PVT1: variants seen among roughly 807,000 people sequenced by gnomAD.
The protein encoded by PVT1 is Pvt1 oncogene.
chr8:128,081,224 G>C (rs529265198), intron 5 of PVT1, among the ~76,000 whole-genome samples: 1 of 152,332 alleles, frequency 6.6e-6, no homozygotes, highest in South Asian at 2.1e-4. Flanking sequence ...AAAAGAATCA[G>C]CTTGTAGATA....
At chr8:127,947,108 C>T (rs1194329338) in intron 3 of PVT1, 2 of 152,808 alleles carry the variant, frequency 1.3e-5, no homozygotes, top group Non-Finnish European at 2.9e-5. Context: ...AAGCCTGTCA[C>T]ATGGCAGGTA....
At chr8:127,872,133 G>A (rs1227198352) in intron 2 of PVT1, among the ~76,000 whole-genome samples, 2 of 151,840 alleles carry the variant, frequency 1.3e-5, no homozygotes, top group South Asian at 4.2e-4. Flanking sequence ...AACTAAAAGA[G>A]GCCGGGTGTG....
chr8:127,858,374 T>C (rs1356797352), intron 2 of PVT1, among the ~76,000 whole-genome samples: 1 of 151,606 alleles, frequency 6.6e-6, no homozygotes, highest in African/African-American at 2.4e-5. Context: ...GCCATTGCAC[T>C]CCAGCCTGGG....
chr8:128,049,130 C>G (rs755296236), intron 4 of PVT1: 1 of 523,478 alleles, frequency 1.9e-6, no homozygotes, highest in Non-Finnish European at 3.9e-6. Flanking sequence ...CTTTCTTTTT[C>G]CTGGCCGCCA....
chr8:127,929,215 T>A (rs1323875662), intron 3 of PVT1, among the ~76,000 whole-genome samples: 14 of 131,584 alleles, frequency 1.1e-4, no homozygotes, highest in Admixed American at 2.2e-4. Flanking sequence ...TTTTTTTTTT[T>A]TTATTTGTAA....
intron 4 of PVT1, among the ~76,000 whole-genome samples, chr8:128,034,744 T>C (rs1813441699): frequency 6.6e-6 from 1 of 152,192 alleles, no homozygotes; most frequent in Admixed American, 6.5e-5. Context: ...TGTCTCCATA[T>C]ATACAATTTA....
chr8:127,809,900 T>C (rs974185846), intron 2 of PVT1, among the ~76,000 whole-genome samples: 7 of 152,364 alleles, frequency 4.6e-5, no homozygotes, highest in African/African-American at 1.4e-4. Context: ...CTCCTATCCA[T>C]GTGGTACATT....
At chr8:127,958,748 C>T (rs1194700764) in intron 3 of PVT1, among the ~76,000 whole-genome samples, 6 of 152,130 alleles carry the variant, frequency 3.9e-5, no homozygotes, top group Admixed American at 2.0e-4. Flanking sequence ...GGATGTGTGC[C>T]TTCTGTGGCT....
chr8:128,062,818 C>T (rs1344517815), intron 4 of PVT1, among the ~76,000 whole-genome samples: 1 of 152,094 alleles, frequency 6.6e-6, no homozygotes, highest in Non-Finnish European at 1.5e-5. Flanking sequence ...GATCAGTTTC[C>T]TCAGTCTCCC....
intron 2 of PVT1, among the ~76,000 whole-genome samples, chr8:127,877,441 T>G (rs1815418293): frequency 6.6e-6 from 1 of 152,190 alleles, no homozygotes. Context: ...CCTCCTTATT[T>G]TGACATTAGC....
In PVT1 at chr8:127,938,965, A is replaced by G. The variant is rs149614373; in HGVS notation, n.782+47967A>G. On this transcript the variant is annotated intron_variant and non_coding_transcript_variant, in intron 3 of 10. Transcript: ENST00000651587. ...GATGAGGAAACTGAGGCTGAGAGGG[A>G]TGCTGCAATTTAGGACTTCTGGGTG... is the stretch of plus-strand genomic sequence containing the variant. 9.4e-3 allele frequency among the ~76,000 whole-genome samples: 1,433 copies of G among 152,300 alleles called. 12 individuals are homozygous for G. Among genetic ancestry groups the G allele is most frequent in the Middle Eastern group, 0.031 (9 of 294 alleles).
At chr8:127,987,394 G>A (rs4733812) in intron 3 of PVT1, among the ~76,000 whole-genome samples, 45,550 of 152,040 alleles carry the variant, frequency 0.3, 8,387 homozygotes, top group Admixed American at 0.51. Flanking sequence ...CAATCTCATT[G>A]CCTTCATTTG....
chr8:127,882,488 T>G (rs1815479311), intron 2 of PVT1, among the ~76,000 whole-genome samples: 1 of 138,466 alleles, frequency 7.2e-6, no homozygotes. Flanking sequence ...TGAAGAAATC[T>G]TTTTTTTTTT....
chr8:127,837,146 A>T (rs1231209375), intron 2 of PVT1, among the ~76,000 whole-genome samples: 2 of 152,146 alleles, frequency 1.3e-5, no homozygotes, highest in African/African-American at 4.8e-5. Context: ...TTCAGCCATA[A>T]TTATCACCTA....
intron 4 of PVT1, among the ~76,000 whole-genome samples, chr8:128,004,581 G>C (rs1199721242): frequency 6.6e-6 from 1 of 152,194 alleles, no homozygotes; most frequent in African/African-American, 2.4e-5. Flanking sequence ...GATGGCTGTA[G>C]AGATGAAATG....
intron 3 of PVT1, among the ~76,000 whole-genome samples, chr8:127,965,097 G>A (rs769695537): frequency 1.3e-5 from 2 of 152,118 alleles, no homozygotes; most frequent in Non-Finnish European, 2.9e-5. Context: ...GCACTTCTGG[G>A]GAAAGCCAAG....
intron 4 of PVT1, among the ~76,000 whole-genome samples, chr8:128,027,057 C>T (rs530274270): frequency 2.0e-5 from 3 of 152,298 alleles, no homozygotes; most frequent in East Asian, 1.9e-4. Flanking sequence ...CATGGTTCCC[C>T]TGCTTCCATT....
At chr8:127,899,766 C>T (rs558151428) in intron 3 of PVT1, among the ~76,000 whole-genome samples, 57 of 152,228 alleles carry the variant, frequency 3.7e-4, no homozygotes, top group African/African-American at 1.3e-3. Flanking sequence ...TCTGGTGGTC[C>T]GCCTCCCTCT....
At chr8:128,040,479 A>G (rs1020276499) in intron 4 of PVT1, among the ~76,000 whole-genome samples, 12 of 152,184 alleles carry the variant, frequency 7.9e-5, no homozygotes, top group South Asian at 2.1e-4. Context: ...TCTTCAACAT[A>G]CACACATCCT....
Sources: gnomAD v4.1 joint callset for allele counts (sites outside exome capture counted in the v4.1 genomes callset) on GRCh38, gnomAD v4.1.1 for gene constraint, MANE v1.5 for transcripts, NCBI Gene and HGNC (gene_info 2026-07-23, HGNC 2026-07-21) for gene names.